CPED1: variants seen among roughly 807,000 people sequenced by gnomAD.
The protein encoded by CPED1 is cadherin like and PC-esterase domain containing 1.
CPED1 carries 114 observed loss-of-function variants against 128.2 expected under a neutral mutation model. The ratio of observed to expected loss-of-function variants is 0.89; its 90% CI spans 0.76 to 1.04. CPED1 has a LOEUF of 1.04. Ranked by LOEUF, CPED1 falls within the 50% of genes least tolerant of loss-of-function variation. CPED1 has a pLI of 0.00. For missense variants in CPED1, 1,211 were observed against 1,207.1 expected (o/e 1.00, Z -0.05); for synonymous variants, 462 against 426.7 (o/e 1.08, Z -1.02).
chr7:121,123,507 T>A lies in CPED1; in HGVS notation c.919-824T>A, dbSNP rs143552880. 3.0e-3 allele frequency among the ~76,000 whole-genome samples: 455 copies of A among 152,324 alleles called. 4 individuals carry two copies. Among genetic ancestry groups the A allele is most frequent in the African/African-American group, 0.011 (443 of 41,584 alleles). Reference sequence around the variant, plus strand: ...AAAGAGTATGTTTATCCAGAGAAAGTTTATGAATCAATATGAGATTTGTTT... The same window carrying A: ...AAAGAGTATGTTTATCCAGAGAAAGATTATGAATCAATATGAGATTTGTTT... On this transcript the variant is annotated intron_variant, in intron 7 of 22. Transcript: ENST00000310396.
rs868146021 is a variant in CPED1 at position 121,117,131 on chromosome 7, C to T, written c.919-7200C>T. Among the ~76,000 whole-genome samples the T allele has an allele frequency of 1.4e-4, 20 of 142,064 alleles. 1 individual carries two copies. The South Asian group carries it at 2.8e-3, about 20-fold the overall frequency. 93.2% of individuals were successfully genotyped at this position (142,064 alleles called of 152,430 possible). On this transcript the variant is annotated intron_variant, in intron 7 of 22. Coordinates refer to ENST00000310396, the MANE Select transcript of CPED1 (RefSeq NM_024913.5). ...TATATATATGTTTGAGATGGAGTCT[C>T]GCTCTGTCACCCAGGCTGGAGTGCA...
chr7:120,989,281 T>C, intron 1 of CPED1, 110 bp from the exon 2 acceptor site: 1 of 282,248 alleles, frequency 3.5e-6, no homozygotes. Flanking sequence ...TTACTGTGAG[T>C]TGAAAGATGT....
intron 2 of CPED1, among the ~76,000 whole-genome samples, chr7:120,994,625 CTGTGTGTGTGTGTGTG>C (rs35288728): frequency 1.4e-5 from 2 of 144,570 alleles, no homozygotes; most frequent in African/African-American, 5.2e-5. Context: ...ATTTGTTATA[CTGTGTGTGTGTGTGTG>C]TGTGTGTGTG....
chr7:121,244,863 G>T (rs1798488662), intron 18 of CPED1, among the ~76,000 whole-genome samples: 1 of 152,094 alleles, frequency 6.6e-6, no homozygotes, highest in African/African-American at 2.4e-5. Flanking sequence ...ACCTCACTAG[G>T]CTGATTTTTC....
intron 16 of CPED1, among the ~76,000 whole-genome samples, chr7:121,208,984 C>A (rs184248786): frequency 9.2e-5 from 14 of 151,910 alleles, no homozygotes; most frequent in Non-Finnish European, 1.8e-4. Flanking sequence ...AATGTGTGAC[C>A]TACGGAAAAA....
At chr7:121,225,382 C>A (rs910319818) in intron 16 of CPED1, among the ~76,000 whole-genome samples, 17 of 152,112 alleles carry the variant, frequency 1.1e-4, no homozygotes, top group African/African-American at 3.6e-4. Flanking sequence ...TGTGGGTAAC[C>A]TGACCTTTCT....
At chr7:121,050,607 G>C (rs1793324469) in intron 4 of CPED1, among the ~76,000 whole-genome samples, 1 of 151,976 alleles carries the variant, frequency 6.6e-6, no homozygotes, top group Non-Finnish European at 1.5e-5. Flanking sequence ...GGGATTACAG[G>C]CGTCTGCCAC....
At chr7:121,005,603 C>A (rs1180796169) in intron 2 of CPED1, among the ~76,000 whole-genome samples, 2 of 151,978 alleles carry the variant, frequency 1.3e-5, no homozygotes, top group Non-Finnish European at 2.9e-5. Context: ...ACCTATGTAA[C>A]AAACCTGCAC....
intron 3 of CPED1, among the ~76,000 whole-genome samples, chr7:121,032,908 T>C (rs1792773097): frequency 6.6e-6 from 1 of 152,242 alleles, no homozygotes; most frequent in South Asian, 2.1e-4. Context: ...AATTGTGAAG[T>C]GGATGAAACT....
At chr7:121,180,660 C>A (rs1345567214) in intron 16 of CPED1, among the ~76,000 whole-genome samples, 1 of 151,890 alleles carries the variant, frequency 6.6e-6, no homozygotes. Flanking sequence ...ATCAATTTTT[C>A]TTTGCTACAC....
intron 7 of CPED1, among the ~76,000 whole-genome samples, chr7:121,117,100 A>ATATATATATATATATATATATATATAT (rs1450957943): frequency 1.4e-5 from 1 of 70,650 alleles, no homozygotes; most frequent in African/African-American, 4.7e-5. Flanking sequence ...TATATATATA[A>ATATATATATATATATATATATATATAT]ATATATATAT....
At chr7:121,141,527 T>A (rs1033662344) in intron 15 of CPED1, among the ~76,000 whole-genome samples, 1 of 151,980 alleles carries the variant, frequency 6.6e-6, no homozygotes, top group Non-Finnish European at 1.5e-5. Context: ...GGGAAGGAAA[T>A]GTACTTGGAA....
At chr7:121,233,098 G>A (rs1372088695) in intron 16 of CPED1, among the ~76,000 whole-genome samples, 2 of 152,094 alleles carry the variant, frequency 1.3e-5, no homozygotes, top group African/African-American at 4.8e-5. Context: ...ATTCCGGTTA[G>A]TTACTCTAGC....
chr7:121,295,495 G>C lies in CPED1; in HGVS notation c.2924G>C (p.Arg975Thr). 1 of 1,613,810 alleles carries C rather than the reference G, an allele frequency of 6.2e-7. No individual in the cohort carries two copies. Among genetic ancestry groups the C allele is most frequent in the Non-Finnish European group, 8.5e-7 (1 of 1,179,814 alleles). ...AACTTTATTAAAATGAAAAGATCAAGAAATCATATCATGGGAAGATATTTC... is the reference window on the plus strand; with the variant it reads ...AACTTTATTAAAATGAAAAGATCAACAAATCATATCATGGGAAGATATTTC... Reference protein sequence around the residue: ...EYNFIKMKRSRNHIMGRYFSN... With the variant: ...EYNFIKMKRSTNHIMGRYFSN... Residue 975 changes from arginine to threonine, a missense_variant, in exon 23 of 23, where the codon AGA (arginine) becomes ACA (threonine). Coordinates refer to ENST00000310396, the MANE Select transcript of CPED1 (RefSeq NM_024913.5).
intron 9 of CPED1, 70 bp downstream of exon 9, chr7:121,125,962 T>C: frequency 1.8e-6 from 2 of 1,134,526 alleles, no homozygotes; most frequent in Non-Finnish European, 2.6e-6. Flanking sequence ...GTGTTGTTGT[T>C]GTTGTTTTCA....
At position 121,136,085 on chromosome 7, in the gene CPED1, G is replaced by A. The variant is rs773149297; in HGVS notation, c.1694G>A (p.Ser565Asn). 1.3e-6 allele frequency: 2 copies of A among 1,546,820 alleles called. No homozygotes were observed. Among genetic ancestry groups the A allele is most frequent in the Non-Finnish European group, 8.7e-7 (1 of 1,155,774 alleles). The change falls in exon 14 of 23, where the codon AGT becomes AAT. Residue 565 changes from serine to asparagine, a missense_variant. By Grantham distance (46) the Ser-to-Asn change is conservative (BLOSUM62 1). Transcript: ENST00000310396. Reference sequence around the variant, plus strand: ...AATGAAAATAAAGAAATACATTGCAGTGATGGTGAGTTGAGATTAAAGTGT... The same window carrying A: ...AATGAAAATAAAGAAATACATTGCAATGATGGTGAGTTGAGATTAAAGTGT... ...IKNENKEIHC[S>N]DDENTPCHIK...
chr7:121,127,556 G>A (rs1355052818), intron 10 of CPED1, among the ~76,000 whole-genome samples: 1 of 125,026 alleles, frequency 8.0e-6, no homozygotes, highest in Non-Finnish European at 1.6e-5. Flanking sequence ...TTTTTTTTGA[G>A]ACAGAGTCTC....
At chr7:121,092,536 A>C (rs958721533) in intron 5 of CPED1, among the ~76,000 whole-genome samples, 1 of 152,214 alleles carries the variant, frequency 6.6e-6, no homozygotes, top group Non-Finnish European at 1.5e-5. Flanking sequence ...TGAACTGAGA[A>C]TACCCTTAGA....
chr7:121,274,691 A>T (rs1584647887), intron 22 of CPED1, among the ~76,000 whole-genome samples: 2 of 152,114 alleles, frequency 1.3e-5, no homozygotes, highest in African/African-American at 4.8e-5. Flanking sequence ...AACAATTTGT[A>T]CCCCTTGTAC....
Sources: gnomAD v4.1 joint callset for allele counts (sites outside exome capture counted in the v4.1 genomes callset) on GRCh38, gnomAD v4.1.1 for gene constraint, MANE v1.5 for transcripts, NCBI Gene and HGNC (gene_info 2026-07-23, HGNC 2026-07-21) for gene names.